UBE2O: variants seen among roughly 807,000 people sequenced by gnomAD.
The protein encoded by UBE2O is (E3-independent) E2 ubiquitin-conjugating enzyme.
UBE2O carries 15 observed loss-of-function variants against 125.8 expected under a neutral mutation model. That is an observed-to-expected ratio of 0.12 (90% CI 0.08 to 0.18). The LOEUF is 0.18. UBE2O is among the 10% of genes least tolerant of loss of function. The pLI, the probability that UBE2O is intolerant of heterozygous loss-of-function variation, is 1.00. For missense variants in UBE2O, 1,280 were observed against 1,723.6 expected (o/e 0.74, Z 4.56); for synonymous variants, 708 against 703.2 (o/e 1.01, Z -0.11).
Position 76,452,994 on chromosome 17 carries a change from A to T in UBE2O, c.148T>A (p.Ser50Thr). Residue 50 changes from serine (S) to threonine (T), a missense_variant, in exon 1 of 18, where the codon TCC becomes ACC. By Grantham distance (58) the Ser-to-Thr change is moderately conservative. Coordinates refer to ENST00000319380, the MANE Select transcript of UBE2O (RefSeq NM_022066.4). This position sits in a 1 kb window ranked among gnomAD's most constrained non-coding sequence, Gnocchi z 4.4. Reference protein sequence around the residue: ...SDSASGPSSDSGPEAGSQRLL... With the variant: ...SDSASGPSSDTGPEAGSQRLL... The stretch of plus-strand genomic sequence containing the variant: ...CGCTGCGAGCCGGCTTCTGGGCCGG[A>T]GTCCGAGGACGGCCCGGAGGCCGAG... The T allele has an allele frequency of 6.7e-7, 1 of 1,490,982 alleles. No homozygotes were observed. The highest frequency in any genetic ancestry group is 1.9e-4 in the Middle Eastern group (1 of 5,206). The allele number at this position is 1,490,982 out of a possible 1,614,324, so 92.4% of individuals were successfully genotyped here.
chr17:76,402,832 A>G lies in UBE2O; in HGVS notation c.589-133T>C. On this transcript the variant is annotated intron_variant, in intron 3 of 17. Coordinates refer to ENST00000319380, the MANE Select transcript of UBE2O (RefSeq NM_022066.4). This position sits in a 1 kb window ranked among gnomAD's most constrained non-coding sequence, Gnocchi z 5.4. ...AGCTCACTGACTGGACCGGTTGGCT[A>G]CTAGCCCTAAACAGCTGCTGCAGCA... 1.4e-6 allele frequency: 1 copy of G among 733,086 alleles called. No homozygotes were observed. The highest frequency in any genetic ancestry group is 2.4e-6 in the Non-Finnish European group (1 of 422,884). The allele number at this position is 733,086 out of a possible 1,614,324, so 45.4% of individuals were successfully genotyped here.
intron 1 of UBE2O, among the ~76,000 whole-genome samples, chr17:76,428,691 G>A (rs1164659453): frequency 6.6e-6 from 1 of 152,096 alleles, no homozygotes; most frequent in African/African-American, 2.4e-5. Context: ...TAAAAGTGAG[G>A]CAATAAGAGA....
intron 1 of UBE2O, among the ~76,000 whole-genome samples, chr17:76,447,973 T>C (rs1196738833): frequency 1.3e-5 from 2 of 152,192 alleles, no homozygotes; most frequent in Non-Finnish European, 2.9e-5. Flanking sequence ...CAGGATCATA[T>C]CGGGGTTAGG....
rs1316302545 is a variant in UBE2O, at chr17:76,452,887, C to T, written c.255G>A (p.Glu85=). 1.3e-6 allele frequency: 2 copies of T among 1,499,178 alleles called. No homozygotes were observed. The highest frequency in any genetic ancestry group is 1.8e-6 in the Non-Finnish European group (2 of 1,123,484). 92.9% of individuals were successfully genotyped at this position (1,499,178 alleles called of 1,614,324 possible). Residue 85 remains glutamate, a synonymous_variant, in exon 1 of 18, where the codon GAG becomes GAA. Coordinates refer to ENST00000319380, the MANE Select transcript of UBE2O (RefSeq NM_022066.4). This position sits in a 1 kb window ranked among gnomAD's most constrained non-coding sequence, Gnocchi z 4.4. ...CCTCCTCGCCCTCCGAGTCCGAGTC[C>T]TCGCCGTGGATGAGGCGCACCAGCC... The part of the protein sequence containing the change: ...HFGLVRLIHG[E]DSDSEGEEEG...
At chr17:76,397,927 A>AAGCTCC (rs2072245274) in intron 12 of UBE2O, 39 bp from the exon 13 acceptor site, 1 of 1,604,364 alleles carries the variant, frequency 6.2e-7, no homozygotes, top group Non-Finnish European at 8.5e-7. Flanking sequence ...GGCCCAGCTC[A>AAGCTCC]AGCTCCAGCT....
At chr17:76,451,595 C>G (rs971868487) in intron 1 of UBE2O, among the ~76,000 whole-genome samples, 19 of 152,300 alleles carry the variant, frequency 1.2e-4, no homozygotes, top group African/African-American at 4.6e-4. Context: ...AAACCCCGTT[C>G]CTCTGTAGTC....
At chr17:76,442,268 G>C (rs1030505280) in intron 1 of UBE2O, among the ~76,000 whole-genome samples, 1 of 152,186 alleles carries the variant, frequency 6.6e-6, no homozygotes, top group Non-Finnish European at 1.5e-5. Flanking sequence ...CCTAGTATTA[G>C]GATGCCCATA....
chr17:76,424,429 G>A (rs1382596444), intron 1 of UBE2O, among the ~76,000 whole-genome samples: 5 of 145,502 alleles, frequency 3.4e-5, no homozygotes, highest in South Asian at 2.2e-4. Flanking sequence ...GGCTGGTCTC[G>A]AACTCCTGAC....
chr17:76,400,657 C>T lies in UBE2O; in HGVS notation c.895-107G>A, dbSNP rs2072306308. ...CCTCCAGAGCAGGAAACTGATCTTC[C>T]TAGTGCAGCACCAAGTACAGACACA... On this transcript the variant is annotated intron_variant, in intron 6 of 17. Transcript: ENST00000319380. The surrounding 1 kb of genome is among the most constrained non-coding windows in gnomAD (Gnocchi z 4.3). 1 of 738,704 alleles carries T rather than the reference C, an allele frequency of 1.4e-6. No homozygotes were observed. Among genetic ancestry groups the T allele is most frequent in the African/African-American group, 1.8e-5 (1 of 56,730 alleles). 45.8% of individuals were successfully genotyped at this position (738,704 alleles called of 1,614,324 possible).
chr17:76,402,982 C>T lies in UBE2O; in HGVS notation c.589-283G>A, dbSNP rs1235477810. Among the ~76,000 whole-genome samples, 1 of 152,152 alleles carries T rather than the reference C, an allele frequency of 6.6e-6. No homozygotes were observed. Among genetic ancestry groups the T allele is most frequent in the African/African-American group, 2.4e-5 (1 of 41,422 alleles). The stretch of plus-strand genomic sequence containing the variant: ...ATGCAGGGGCAGAGAGGCCTGATGG[C>T]ATCCATGGACATGGGACATCCATGG... On this transcript the variant is annotated intron_variant, in intron 3 of 17. Coordinates refer to ENST00000319380, the MANE Select transcript of UBE2O (RefSeq NM_022066.4). This position sits in a 1 kb window ranked among gnomAD's most constrained non-coding sequence, Gnocchi z 5.4.
At chr17:76,397,270 AAG>A (rs1237818949) in intron 13 of UBE2O, among the ~76,000 whole-genome samples, 8 of 152,170 alleles carry the variant, frequency 5.3e-5, no homozygotes, top group Non-Finnish European at 1.0e-4. Flanking sequence ...AATGGCCGTT[AAG>A]GTGATGGGGC....
rs955375304 is a variant in UBE2O at position 76,410,277 on chromosome 17, G to A, written c.418-4705C>T. On this transcript the variant is annotated intron_variant, in intron 1 of 17. Transcript: ENST00000319380. The surrounding 1 kb of genome is among the most constrained non-coding windows in gnomAD (Gnocchi z 4.0). The stretch of plus-strand genomic sequence containing the variant: ...GGGAACGTGCTGAGAGAGGGAGCAC[G>A]GAGGCTGGTTAGCCCAGTGGTTCTC... 6.6e-6 allele frequency among the ~76,000 whole-genome samples: 1 copy of A among 152,094 alleles called. No individual in the cohort carries two copies. Among genetic ancestry groups the A allele is most frequent in the Non-Finnish European group, 1.5e-5 (1 of 68,014 alleles).
At chr17:76,409,224 T>C (rs550983249) in intron 1 of UBE2O, among the ~76,000 whole-genome samples, 99 of 152,290 alleles carry the variant, frequency 6.5e-4, no homozygotes, top group African/African-American at 2.3e-3. Flanking sequence ...AGCCTCGGCC[T>C]CCCAAAGTGC....
At position 76,405,491 on chromosome 17, in the gene UBE2O, G is replaced by A. The variant is rs758396527; in HGVS notation, c.477+22C>T. Reference sequence around the variant, plus strand: ...GGTGGCTGCCCCCAGGCCCGGGGCTGGGGTGGGGACGCAGGACTCACGGTG... The same window carrying A: ...GGTGGCTGCCCCCAGGCCCGGGGCTAGGGTGGGGACGCAGGACTCACGGTG... On this transcript the variant is annotated intron_variant, in intron 2 of 17. Transcript: ENST00000319380. The surrounding 1 kb of genome is among the most constrained non-coding windows in gnomAD (Gnocchi z 6.1). The A allele has an allele frequency of 6.9e-6, 11 of 1,592,104 alleles. No individual in the cohort carries two copies. Among genetic ancestry groups the A allele is most frequent in the African/African-American group, 5.3e-5 (4 of 74,786 alleles).
At position 76,391,506 on chromosome 17, in the gene UBE2O, T is replaced by C; in HGVS notation, c.3316A>G (p.Ile1106Val). ...NSRCYNEMAL[I>V]RVVQSMTQLV... is the part of the protein sequence containing the mutation. ...TGGGTCATGGACTGCACCACGCGGA[T>C]CAGCGCCATCTCATTGTAACAGCGA... Residue 1106 changes from isoleucine (I) to valine (V), a missense_variant, in exon 18 of 18, where the codon ATC (isoleucine) becomes GTC (valine). Transcript: ENST00000319380. This position sits in a 1 kb window ranked among gnomAD's most constrained non-coding sequence, Gnocchi z 8.4. 1 of 1,614,028 alleles carries C rather than the reference T, an allele frequency of 6.2e-7. No individual in the cohort carries two copies. The highest frequency in any genetic ancestry group is 8.5e-7 in the Non-Finnish European group (1 of 1,180,034).
intron 1 of UBE2O, among the ~76,000 whole-genome samples, chr17:76,425,225 C>CAAAAAAAAAAAAAAAAAA (rs58377572): frequency 1.6e-4 from 15 of 95,076 alleles, no homozygotes; most frequent in Non-Finnish European, 2.1e-4. Context: ...GTCCTTTCGA[C>CAAAAAAAAAAAAAAAAAA]AAAAAAAAAA....
chr17:76,395,960 C>T lies in UBE2O; in HGVS notation c.2810-99G>A, dbSNP rs2072200371. 1.9e-6 allele frequency: 3 copies of T among 1,558,568 alleles called. No homozygotes were observed. The East Asian group carries it at 6.7e-5, about 35-fold the overall frequency. ...GGTGAGCACACCCACAGACTTCCCA[C>T]TCGCCGCTGCTGGCCTCAGCACTGT... On this transcript the variant is annotated intron_variant, in intron 14 of 17. Transcript: ENST00000319380. This position sits in a 1 kb window ranked among gnomAD's most constrained non-coding sequence, Gnocchi z 5.0.
Position 76,399,206 on chromosome 17 carries a change from C to A in UBE2O, c.1629-215G>T. 2.7e-6 allele frequency: 2 copies of A among 744,782 alleles called. No individual in the cohort carries two copies. 46.1% of individuals were successfully genotyped at this position (744,782 alleles called of 1,614,324 possible). ...CAGGATCCACTTGGGAGAGCTCAGGCAAATGTGGTTCCAGAAGGCCAAGCT... is the reference window on the plus strand; with the variant it reads ...CAGGATCCACTTGGGAGAGCTCAGGAAAATGTGGTTCCAGAAGGCCAAGCT... On this transcript the variant is annotated intron_variant, in intron 9 of 17. Transcript: ENST00000319380. This position sits in a 1 kb window ranked among gnomAD's most constrained non-coding sequence, Gnocchi z 6.9.
Position 76,400,923 on chromosome 17 carries a change from C to T in UBE2O, c.894+88G>A. The T allele has an allele frequency of 6.6e-7, 1 of 1,520,374 alleles. No homozygotes were observed. The highest frequency in any genetic ancestry group is 8.9e-7 in the Non-Finnish European group (1 of 1,117,702). The allele number at this position is 1,520,374 out of a possible 1,614,324, so 94.2% of individuals were successfully genotyped here. ...AGATGCTGAGGAGCGGGGCTCAACC[C>T]TCAAGAGCAGGAAGGAAAGGGGCAG... On this transcript the variant is annotated intron_variant, in intron 6 of 17. Transcript: ENST00000319380. The surrounding 1 kb of genome is among the most constrained non-coding windows in gnomAD (Gnocchi z 4.3).
Sources: gnomAD v4.1 joint callset for allele counts (sites outside exome capture counted in the v4.1 genomes callset) on GRCh38, gnomAD v4.1.1 for gene constraint, Gnocchi (gnomAD v3.1) non-coding constraint, MANE v1.5 for transcripts, NCBI Gene and HGNC (gene_info 2026-07-23, HGNC 2026-07-21) for gene names.